AKAP13: variants seen among roughly 807,000 people sequenced by gnomAD.
The protein encoded by AKAP13 is A-kinase anchor protein 13.
A neutral mutation model predicts 264.5 loss-of-function variants in AKAP13; 80 were observed. The ratio of observed to expected loss-of-function variants is 0.30; its 90% CI spans 0.25 to 0.36. The LOEUF is 0.36. AKAP13 is among the 10% of genes least tolerant of loss of function. The pLI is 1.00. For missense variants in AKAP13, 3,712 were observed against 3,435.2 expected, an observed-to-expected ratio of 1.08 and a Z score of -2.01; for synonymous variants, 1,380 against 1,250.2, an observed-to-expected ratio of 1.10 and a Z score of -2.19.
At chr15:85,743,396 C>G in intron 35 of AKAP13, 96 bp from the exon 36 acceptor site, 7 of 1,350,282 alleles carry the variant, frequency 5.2e-6, no homozygotes, top group Non-Finnish European at 7.2e-6. Flanking sequence ...AAGTACCCAG[C>G]CAGCACACCC....
At chr15:85,400,126 T>C (rs1294408962) in intron 1 of AKAP13, among the ~76,000 whole-genome samples, 1 of 152,110 alleles carries the variant, frequency 6.6e-6, no homozygotes. Context: ...TGGGCCAGGC[T>C]CAGTGGCTCA....
At chr15:85,539,310 A>G (rs1170307240) in intron 4 of AKAP13, among the ~76,000 whole-genome samples, 3 of 152,092 alleles carry the variant, frequency 2.0e-5, no homozygotes, top group African/African-American at 7.2e-5. Context: ...TGTTTTTGTT[A>G]CAAGGTTACA....
In AKAP13 at chr15:85,684,755, A is replaced by G; in HGVS notation, c.5171A>G (p.Asn1724Ser). The G allele has an allele frequency of 6.2e-7, 1 of 1,612,742 alleles. No individual in the cohort carries two copies. Among genetic ancestry groups the G allele is most frequent in the East Asian group, 2.2e-5 (1 of 44,874 alleles). The change falls in exon 16 of 37, where the codon AAC becomes AGC. Residue 1724 changes from asparagine (N) to serine (S), a missense_variant. Asn to Ser is a conservative substitution (Grantham distance 46). This residue lies in a region of AKAP13 where 2,759 missense variants were observed against 2,411.7 expected (regional missense o/e 1.14). Coordinates refer to ENST00000394518, the MANE Select transcript of AKAP13 (RefSeq NM_007200.5). ...ANLTESITEE[N>S]YNFLPHSPSK... Reference sequence around the variant, plus strand: ...TTTTTATTTAGTATAACAGAAGAGAACTATAATTTCCTGCCACATAGCCCC... The same window carrying G: ...TTTTTATTTAGTATAACAGAAGAGAGCTATAATTTCCTGCCACATAGCCCC...
intron 8 of AKAP13, among the ~76,000 whole-genome samples, chr15:85,604,710 C>T (rs1343614477): frequency 6.6e-6 from 1 of 152,100 alleles, no homozygotes; most frequent in Non-Finnish European, 1.5e-5. Flanking sequence ...GTGATCCACC[C>T]ACCTCGGCCT....
At chr15:85,614,015 A>T (rs186457125) in intron 8 of AKAP13, among the ~76,000 whole-genome samples, 1 of 152,270 alleles carries the variant, frequency 6.6e-6, no homozygotes, top group Admixed American at 6.5e-5. Context: ...TCACACTGAA[A>T]GAAAATATAT....
chr15:85,676,175 T>C (rs1341190036), intron 14 of AKAP13, among the ~76,000 whole-genome samples: 1 of 152,162 alleles, frequency 6.6e-6, no homozygotes, highest in African/African-American at 2.4e-5. Flanking sequence ...CCTCCCAAAG[T>C]GCTGGGATTA....
intron 1 of AKAP13, among the ~76,000 whole-genome samples, chr15:85,382,548 T>C (rs1219242172): frequency 2.0e-5 from 3 of 152,188 alleles, no homozygotes; most frequent in Admixed American, 6.5e-5. Flanking sequence ...AGGGACATAA[T>C]GTAAGCAAGT....
chr15:85,487,445 G>C (rs904456867), intron 2 of AKAP13, among the ~76,000 whole-genome samples: 2 of 152,160 alleles, frequency 1.3e-5, no homozygotes, highest in African/African-American at 4.8e-5. Context: ...TCTATTCCTA[G>C]TTTGACTATT....
chr15:85,729,524 A>G lies in AKAP13; in HGVS notation c.7088-989A>G, dbSNP rs554111759. Among the ~76,000 whole-genome samples, 7 of 152,302 alleles carry G rather than the reference A, an allele frequency of 4.6e-5. No homozygotes were observed. In the South Asian group the frequency reaches 1.2e-3, roughly 27 times the overall value. On this transcript the variant is annotated intron_variant, in intron 29 of 36. Transcript: ENST00000394518. The stretch of plus-strand genomic sequence containing the variant: ...CAGTAGAGGTGGCCACGTGGGCGCC[A>G]TGGTCTGCTGCTAAGAAAGGGGAGG...
At chr15:85,521,699 A>G (rs1168140149) in intron 3 of AKAP13, 124 bp downstream of exon 3, 6 of 1,122,648 alleles carry the variant, frequency 5.3e-6, no homozygotes, top group East Asian at 2.8e-5. Flanking sequence ...TTATTAGTTT[A>G]TAAAGCAGTT....
intron 5 of AKAP13, among the ~76,000 whole-genome samples, chr15:85,573,923 G>A (rs189663077): frequency 6.6e-6 from 1 of 152,334 alleles, no homozygotes; most frequent in Admixed American, 6.5e-5. Context: ...AAACACCATA[G>A]ATGTAGTTTT....
chr15:85,715,427 G>C (rs1421634703), intron 19 of AKAP13, among the ~76,000 whole-genome samples: 1 of 152,124 alleles, frequency 6.6e-6, no homozygotes, highest in Non-Finnish European at 1.5e-5. Flanking sequence ...GGTATATCTT[G>C]TAAAATAAAC....
chr15:85,420,743 A>G (rs1471511225), intron 1 of AKAP13, among the ~76,000 whole-genome samples: 1 of 152,222 alleles, frequency 6.6e-6, no homozygotes, highest in Non-Finnish European at 1.5e-5. Flanking sequence ...GGAAGCTGAA[A>G]TATTGAAAGA....
intron 14 of AKAP13, among the ~76,000 whole-genome samples, chr15:85,670,179 G>A (rs2083842868): frequency 6.6e-6 from 1 of 152,056 alleles, no homozygotes; most frequent in African/African-American, 2.4e-5. Context: ...GTATTCCCAT[G>A]TATTCTTCAC....
intron 1 of AKAP13, among the ~76,000 whole-genome samples, chr15:85,472,208 A>AC (rs66473379): frequency 0.22 from 33,914 of 151,262 alleles, 4,625 homozygotes; most frequent in African/African-American, 0.35. Context: ...TAAAAAAAAA[A>AC]CAAAAAACAA....
chr15:85,398,100 T>C (rs1015077907), intron 1 of AKAP13, among the ~76,000 whole-genome samples: 4 of 152,208 alleles, frequency 2.6e-5, no homozygotes, highest in South Asian at 2.1e-4. Context: ...CTAGAACTTA[T>C]ACTCTGCTCA....
chr15:85,696,042 A>G (rs1466913237), intron 17 of AKAP13, among the ~76,000 whole-genome samples: 1 of 152,248 alleles, frequency 6.6e-6, no homozygotes, highest in Non-Finnish European at 1.5e-5. Flanking sequence ...CACATAGGAT[A>G]CATACATAAC....
At chr15:85,521,379 G>T (rs1012672002) in intron 2 of AKAP13, 49 bp from the exon 3 acceptor site, 22 of 1,597,224 alleles carry the variant, frequency 1.4e-5, no homozygotes, top group Non-Finnish European at 1.8e-5. Context: ...GATAGGCTGC[G>T]AAGAGGAACC....
At position 85,560,624 on chromosome 15, in the gene AKAP13, A is replaced by G. The variant is rs553371726; in HGVS notation, c.663-14507A>G. On this transcript the variant is annotated intron_variant, in intron 5 of 36. Coordinates refer to ENST00000394518, the MANE Select transcript of AKAP13 (RefSeq NM_007200.5). ...GTTTCACTTTGTCATATTTTTATCT[A>G]TTTCTATGGTCTTTATAAATATTTT... 1.8e-3 allele frequency among the ~76,000 whole-genome samples: 275 copies of G among 151,776 alleles called. 1 individual carries two copies. The highest frequency in any genetic ancestry group is 3.2e-3 in the Non-Finnish European group (220 of 67,974).
Sources: allele counts gnomAD v4.1 joint callset (sites outside exome capture counted in the v4.1 genomes callset), GRCh38; gene constraint gnomAD v4.1.1; regional missense constraint gnomAD v4.1.1; transcripts MANE v1.5; gene names NCBI Gene and HGNC (gene_info 2026-07-23, HGNC 2026-07-21).